Variants in NCAPD2 observed in about 807,000 individuals in gnomAD.
The protein encoded by NCAPD2 is non-SMC condensin I complex subunit D2.
A neutral mutation model predicts 164.5 loss-of-function variants in NCAPD2; 100 were observed. That is an observed-to-expected ratio of 0.61 (90% CI 0.52 to 0.72). The LOEUF is 0.72. Among genes scored for constraint, NCAPD2 ranks in the 30% least tolerant of loss-of-function variants. The probability of loss-of-function intolerance (pLI) is 0.00; values close to 1 mark genes in which losing one functional copy is unlikely to be tolerated. For synonymous variants in NCAPD2, 585 were observed against 642.6 expected (o/e 0.91, Z 1.36); for missense variants, 1,560 against 1,749.2 (o/e 0.89, Z 1.93).
intron 2 of NCAPD2, among the ~76,000 whole-genome samples, chr12:6,506,117 C>T (rs1347430221): frequency 6.6e-6 from 1 of 151,936 alleles, no homozygotes; most frequent in Non-Finnish European, 1.5e-5. Context: ...CCCCACTGTG[C>T]TCAGCTAATT....
intron 13 of NCAPD2, 71 bp downstream of exon 13, chr12:6,518,030 A>G: frequency 6.8e-7 from 1 of 1,465,084 alleles, no homozygotes; most frequent in Middle Eastern, 2.4e-4. Context: ...AACTTACATA[A>G]TGTGTCTTTT....
intron 2 of NCAPD2, among the ~76,000 whole-genome samples, chr12:6,507,641 G>A (rs1946109911): frequency 6.6e-6 from 1 of 152,158 alleles, no homozygotes; most frequent in Non-Finnish European, 1.5e-5. Flanking sequence ...AAAGGTGAAG[G>A]GGTGTCTGCA....
In NCAPD2 at chr12:6,527,859, G is replaced by A. The variant is rs758518981; in HGVS notation, c.2990G>A (p.Arg997His). The A allele has an allele frequency of 6.8e-6, 11 of 1,613,806 alleles. No homozygotes were observed. The highest frequency in any genetic ancestry group is 5.5e-5 in the South Asian group (5 of 91,082). Residue 997 changes from arginine to histidine, a missense_variant, in exon 23 of 32, where the codon CGT (arginine) becomes CAT (histidine). By Grantham distance (29) the Arg-to-His change is conservative (BLOSUM62 0). Coordinates refer to ENST00000315579, the MANE Select transcript of NCAPD2 (RefSeq NM_014865.4). ...TADDTEAELIRGICEMELLDG... is the reference protein window; with the variant it reads ...TADDTEAELIHGICEMELLDG... ...GATGACACAGAGGCAGAACTAATCC[G>A]TGGCATCTGCGAGATGGAACTGTTG...
chr12:6,520,726 G>GT (rs1004252190), intron 13 of NCAPD2, among the ~76,000 whole-genome samples: 3 of 152,174 alleles, frequency 2.0e-5, no homozygotes, highest in African/African-American at 4.8e-5. Flanking sequence ...CCTTATTGGA[G>GT]TTTTTTTGAA....
In NCAPD2 at chr12:6,495,019, A is replaced by G. The variant is rs59903579; in HGVS notation, c.-23-57A>G. Reference sequence around the variant, plus strand: ...TTGGGGATGGGAAAGTAATAGAACCAGATACGAAGACAGGTCTTGAATATA... The same window carrying G: ...TTGGGGATGGGAAAGTAATAGAACCGGATACGAAGACAGGTCTTGAATATA... On this transcript the variant is annotated intron_variant, in intron 1 of 31. Coordinates refer to ENST00000315579, the MANE Select transcript of NCAPD2 (RefSeq NM_014865.4). 5.1e-3 allele frequency: 7,881 copies of G among 1,549,404 alleles called. 357 individuals are homozygous for G. In the African/African-American group the frequency reaches 0.089, roughly 18 times the overall value.
At chr12:6,527,469 GAA>G (rs1457671236) in intron 22 of NCAPD2, among the ~76,000 whole-genome samples, 1 of 152,232 alleles carries the variant, frequency 6.6e-6, no homozygotes, top group Non-Finnish European at 1.5e-5. Flanking sequence ...CAGCGCTGGA[GAA>G]AAGTCTGACC....
At chr12:6,504,205 A>G (rs1340596426) in intron 2 of NCAPD2, among the ~76,000 whole-genome samples, 2 of 22,198 alleles carry the variant, frequency 9.0e-5, no homozygotes, top group African/African-American at 5.8e-4. Flanking sequence ...ATATATATAT[A>G]TATATATATA....
chr12:6,530,669 G>T (rs751101757), intron 29 of NCAPD2, 22 bp from the exon 30 acceptor site: 4 of 1,613,664 alleles, frequency 2.5e-6, no homozygotes, highest in South Asian at 1.1e-5. Flanking sequence ...GGCCTGCTCT[G>T]AATCTCCTTT....
At position 6,526,523 on chromosome 12, in the gene NCAPD2, GC is replaced by G; in HGVS notation, c.2646del (p.Glu883LysfsTer2). On this transcript the variant is annotated frameshift_variant, in exon 21 of 32. Coordinates refer to ENST00000315579, the MANE Select transcript of NCAPD2 (RefSeq NM_014865.4). LOFTEE classifies it high-confidence loss of function. ...ACCCTCATTTACCAACTGGCAGAGG[GC>G]CCCGAAGTGATCTGTGCCCAGATAT... ...AVTLIYQLAE[G>X]PEVICAQILQ... 6.2e-7 allele frequency: 1 copy of G among 1,614,144 alleles called. No homozygotes were observed. The highest frequency in any genetic ancestry group is 8.5e-7 in the Non-Finnish European group (1 of 1,180,030).
At position 6,530,664 on chromosome 12, in the gene NCAPD2, G is replaced by A. The variant is rs1242461869; in HGVS notation, c.3838-27G>A. 6 of 1,613,420 alleles carry A rather than the reference G, an allele frequency of 3.7e-6. No homozygotes were observed. The African/African-American group carries it at 5.3e-5, about 14-fold the overall frequency. On this transcript the variant is annotated intron_variant, in intron 29 of 31. Transcript: ENST00000315579. The stretch of plus-strand genomic sequence containing the variant: ...ATCAGAAGTAACTGTTTTCAGGCCT[G>A]CTCTGAATCTCCTTTTCTCCCTCCA...
intron 2 of NCAPD2, among the ~76,000 whole-genome samples, chr12:6,508,266 G>T (rs1166933505): frequency 6.6e-6 from 1 of 152,116 alleles, no homozygotes; most frequent in African/African-American, 2.4e-5. Flanking sequence ...AGCCCAGGAG[G>T]TCAAGGCTAC....
Position 6,527,014 on chromosome 12 carries a change from G to C in NCAPD2, c.2858G>C (p.Arg953Pro). 1.2e-6 allele frequency: 2 copies of C among 1,613,956 alleles called. No individual in the cohort carries two copies. The highest frequency in any genetic ancestry group is 1.7e-6 in the Non-Finnish European group (2 of 1,179,942). The change falls in exon 22 of 32, where the codon CGA (arginine) becomes CCA (proline). Residue 953 changes from arginine to proline, a missense_variant. Arg to Pro is a moderately radical substitution (Grantham distance 103, BLOSUM62 -2). Transcript: ENST00000315579. The part of the protein sequence containing the change: ...QAVSGELCRR[R>P]VLREEQEHKT... Reference sequence around the variant, plus strand: ...GTGAGTGGAGAGCTCTGCCGGCGCCGAGTTCTCCGGGAAGAACAGGAGCAC... The same window carrying C: ...GTGAGTGGAGAGCTCTGCCGGCGCCCAGTTCTCCGGGAAGAACAGGAGCAC...
Position 6,515,200 on chromosome 12 carries a change from T to C in NCAPD2, c.987+280T>C, listed in dbSNP as rs115529723. Among the ~76,000 whole-genome samples the C allele has an allele frequency of 9.1e-3, 1,385 of 152,262 alleles. 12 individuals carry two copies. The highest frequency in any genetic ancestry group is 0.031 in the African/African-American group (1,287 of 41,552). Reference sequence around the variant, plus strand: ...TAAGAGCAACTCAGCTTTGATTTTTTTTTTTTCTTGGAGGTAGGATCTGGC... The same window carrying C: ...TAAGAGCAACTCAGCTTTGATTTTTCTTTTTTCTTGGAGGTAGGATCTGGC... On this transcript the variant is annotated intron_variant, in intron 9 of 31. Coordinates refer to ENST00000315579, the MANE Select transcript of NCAPD2 (RefSeq NM_014865.4).
chr12:6,531,163 T>C lies in NCAPD2; in HGVS notation c.4120+87T>C, dbSNP rs1565548800. 13 of 1,547,906 alleles carry C rather than the reference T, an allele frequency of 8.4e-6. No homozygotes were observed. In the East Asian group the frequency reaches 2.7e-4, roughly 32 times the overall value. On this transcript the variant is annotated intron_variant, in intron 31 of 31. Coordinates refer to ENST00000315579, the MANE Select transcript of NCAPD2 (RefSeq NM_014865.4). The surrounding 1 kb of genome is among the most constrained non-coding windows in gnomAD (Gnocchi z 4.1). ...TTCCATAGGACCTGCTGCGGGGGCCTGAGTGTAGATGCTCTGCCCCACTGC... is the reference window on the plus strand; with the variant it reads ...TTCCATAGGACCTGCTGCGGGGGCCCGAGTGTAGATGCTCTGCCCCACTGC...
chr12:6,496,449 G>A (rs576852606), intron 2 of NCAPD2, among the ~76,000 whole-genome samples: 4 of 152,238 alleles, frequency 2.6e-5, no homozygotes, highest in Admixed American at 6.5e-5. Flanking sequence ...TGAAAGACAA[G>A]GTAAAGACTC....
intron 2 of NCAPD2, among the ~76,000 whole-genome samples, chr12:6,501,377 G>A (rs999946088): frequency 6.6e-6 from 1 of 151,794 alleles, no homozygotes; most frequent in African/African-American, 2.4e-5. Context: ...TAGTAGAGAT[G>A]CGGTTTTGCC....
chr12:6,500,828 T>G (rs1946027421), intron 2 of NCAPD2, among the ~76,000 whole-genome samples: 1 of 152,152 alleles, frequency 6.6e-6, no homozygotes, highest in Non-Finnish European at 1.5e-5. Context: ...AAAGATTCAC[T>G]GGCGACTGTG....
intron 2 of NCAPD2, among the ~76,000 whole-genome samples, chr12:6,498,690 C>T (rs1054308905): frequency 6.6e-6 from 1 of 152,058 alleles, no homozygotes; most frequent in African/African-American, 2.4e-5. Context: ...TCACTGCAAC[C>T]TCCGCCTCCC....
chr12:6,523,409 T>TTTTC (rs2137057374), intron 17 of NCAPD2, 63 bp downstream of exon 17: 2 of 1,437,762 alleles, frequency 1.4e-6, no homozygotes, highest in East Asian at 4.5e-5. Context: ...TTTTTTTTTT[T>TTTTC]TTTTTTGAGA....
Sources: gnomAD v4.1 joint callset for allele counts (sites outside exome capture counted in the v4.1 genomes callset) on GRCh38, gnomAD v4.1.1 for gene constraint, Gnocchi (gnomAD v3.1) non-coding constraint, MANE v1.5 for transcripts, NCBI Gene and HGNC (gene_info 2026-07-23, HGNC 2026-07-21) for gene names.